The following CACNA2D2 variants were observed in gnomAD, a reference collection of about 807,000 sequenced individuals.
CACNA2D2 encodes the protein voltage-dependent calcium channel subunit alpha-2/delta-2.
Under a neutral mutation model 166.4 loss-of-function variants are expected in CACNA2D2, and 48 were observed. The ratio of observed to expected loss-of-function variants is 0.29; its 90% CI spans 0.23 to 0.37. The LOEUF (loss-of-function observed/expected upper bound fraction) is 0.37, where lower values mean the gene tolerates loss of function less well. Among genes scored for constraint, CACNA2D2 ranks in the 10% least tolerant of loss-of-function variants. The probability of loss-of-function intolerance (pLI) is 1.00; values close to 1 mark genes in which losing one functional copy is unlikely to be tolerated. For synonymous variants in CACNA2D2, 561 were observed against 573.7 expected (o/e 0.98, Z 0.32); for missense variants, 1,122 against 1,433.0 (o/e 0.78, Z 3.50).
chr3:50,421,891 AG>A (rs1707583349), intron 3 of CACNA2D2, among the ~76,000 whole-genome samples: 1 of 152,018 alleles, frequency 6.6e-6, no homozygotes, highest in African/African-American at 2.4e-5. Context: ...GCACCCCACC[AG>A]TTCACTGGCT....
At chr3:50,370,149 G>T (rs1462422755) in intron 23 of CACNA2D2, among the ~76,000 whole-genome samples, 171 bp downstream of exon 23, 1 of 152,170 alleles carries the variant, frequency 6.6e-6, no homozygotes. Flanking sequence ...TGCCTGGTGC[G>T]GTACATGGCC....
At chr3:50,499,187 TG>T (rs1285887553) in intron 1 of CACNA2D2, among the ~76,000 whole-genome samples, 1 of 152,058 alleles carries the variant, frequency 6.6e-6, no homozygotes, top group East Asian at 1.9e-4. Context: ...AGAGCTGGGA[TG>T]GGAAGGCCTC....
chr3:50,397,995 C>G (rs1706245582), intron 3 of CACNA2D2, among the ~76,000 whole-genome samples: 1 of 152,202 alleles, frequency 6.6e-6, no homozygotes, highest in Admixed American at 6.5e-5. Context: ...CGTGCCCACC[C>G]TGCCCCACCC....
intron 1 of CACNA2D2, among the ~76,000 whole-genome samples, chr3:50,493,558 T>C (rs1354110997): frequency 6.6e-6 from 1 of 152,308 alleles, no homozygotes; most frequent in Middle Eastern, 3.4e-3. Context: ...AGGTGACCAC[T>C]TGGTCTTTGC....
chr3:50,449,398 G>C (rs898841054), intron 2 of CACNA2D2, among the ~76,000 whole-genome samples: 1 of 152,218 alleles, frequency 6.6e-6, no homozygotes, highest in Non-Finnish European at 1.5e-5. Flanking sequence ...GGTGATGCAT[G>C]AGCAGTCGCC....
intron 3 of CACNA2D2, among the ~76,000 whole-genome samples, chr3:50,405,522 T>C (rs1706666001): frequency 6.6e-6 from 1 of 152,130 alleles, no homozygotes; most frequent in African/African-American, 2.4e-5. Flanking sequence ...GGCCCCCTCA[T>C]TCCTCGGTGG....
At chr3:50,381,981 T>TACACACACACACACACAC (rs34662551) in intron 6 of CACNA2D2, among the ~76,000 whole-genome samples, 2 of 133,464 alleles carry the variant, frequency 1.5e-5, no homozygotes, top group South Asian at 2.6e-4. Context: ...GATCTATCCC[T>TACACACACACACACACAC]ACACACACAC....
Position 50,469,929 on chromosome 3 carries a change from C to G in CACNA2D2, c.288+6189G>C, listed in dbSNP as rs1575739019. On this transcript the variant is annotated intron_variant, in intron 2 of 37. Transcript: ENST00000424201. ...TGGGAACTGATCTTGGAAGTGCCCT[C>G]TAGTGACCTGTTGGCACAAGCTGGA... 3.3e-5 allele frequency among the ~76,000 whole-genome samples: 5 copies of G among 152,362 alleles called. No homozygotes were observed. The South Asian group carries it at 1.0e-3, about 32-fold the overall frequency.
rs1704407150 is a variant in CACNA2D2, at chr3:50,367,675, G to A, written c.2264C>T (p.Thr755Ile). 1 of 1,612,432 alleles carries A rather than the reference G, an allele frequency of 6.2e-7. No homozygotes were observed. Residue 755 changes from threonine (T) to isoleucine (I), a missense_variant, in exon 26 of 38, where the codon ACA becomes ATA. By Grantham distance (89) the Thr-to-Ile change is moderately conservative (BLOSUM62 -1). Coordinates refer to ENST00000424201, the MANE Select transcript of CACNA2D2 (RefSeq NM_006030.4). The surrounding 1 kb of genome is among the most constrained non-coding windows in gnomAD (Gnocchi z 6.5). ...TYSLLAVFAATDGGITRVFPN... is the reference protein window; with the variant it reads ...TYSLLAVFAAIDGGITRVFPN... ...GAAGACTCGGGTGATGCCACCGTCT[G>A]TGGCAGCGAACACGGCCAGTAGGCT...
intron 3 of CACNA2D2, among the ~76,000 whole-genome samples, chr3:50,428,737 A>AG (rs1466949120): frequency 6.6e-6 from 1 of 152,106 alleles, no homozygotes; most frequent in Non-Finnish European, 1.5e-5. Flanking sequence ...GAAGAAACTG[A>AG]GGGGGCAGGG....
At position 50,377,509 on chromosome 3, in the gene CACNA2D2, G is replaced by A. The variant is rs762114746; in HGVS notation, c.1584C>T (p.Asp528=). The change falls in exon 17 of 38, where the codon GAC becomes GAT. Residue 528 remains aspartate (D), a synonymous_variant. Transcript: ENST00000424201. ...GCCTCTTGATGTCATTCAGAGCCACGTCAATGCCCATCACGCCCAGGATCA... is the reference window on the plus strand; with the variant it reads ...GCCTCTTGATGTCATTCAGAGCCACATCAATGCCCATCACGCCCAGGATCA... ...NQLILGVMGI[D]VALNDIKRLT... 2.5e-5 allele frequency: 40 copies of A among 1,613,148 alleles called. No individual in the cohort carries two copies. The highest frequency in any genetic ancestry group is 2.4e-4 in the South Asian group (22 of 91,082).
chr3:50,389,154 C>T (rs746866826), intron 4 of CACNA2D2, among the ~76,000 whole-genome samples: 1 of 152,234 alleles, frequency 6.6e-6, no homozygotes, highest in Non-Finnish European at 1.5e-5. Flanking sequence ...CCCCGGTGGG[C>T]CTGGGGCGGG....
intron 3 of CACNA2D2, among the ~76,000 whole-genome samples, chr3:50,419,449 A>C (rs1707439967): frequency 6.6e-6 from 1 of 152,094 alleles, no homozygotes; most frequent in Non-Finnish European, 1.5e-5. Flanking sequence ...TCTACAAGGG[A>C]AACATTGGTG....
At chr3:50,399,196 C>T (rs1171753076) in intron 3 of CACNA2D2, among the ~76,000 whole-genome samples, 1 of 152,224 alleles carries the variant, frequency 6.6e-6, no homozygotes, top group East Asian at 1.9e-4. Flanking sequence ...TTCTCCTTGG[C>T]CTCCTCTCCT....
Position 50,365,225 on chromosome 3 carries a change from G to GC in CACNA2D2, c.3099-42dup. 1 of 528,636 alleles carries GC rather than the reference G, an allele frequency of 1.9e-6. No homozygotes were observed. The highest frequency in any genetic ancestry group is 2.5e-5 in the South Asian group (1 of 39,592). The allele number at this position is 528,636 out of a possible 1,614,324, so 32.7% of individuals were successfully genotyped here. A position where few individuals can be genotyped will look rare whatever the true frequency, so the allele number is the denominator to read the frequency against. On this transcript the variant is annotated intron_variant, in intron 35 of 37. Coordinates refer to ENST00000424201, the MANE Select transcript of CACNA2D2 (RefSeq NM_006030.4). The surrounding 1 kb of genome is among the most constrained non-coding windows in gnomAD (Gnocchi z 4.5). Reference sequence around the variant, plus strand: ...AAAGGCGGGGCGTTGAGTTTGCCCCGCCCTGACCCACCCCCATCCTGCGGC... The same window carrying GC: ...AAAGGCGGGGCGTTGAGTTTGCCCCGCCCCTGACCCACCCCCATCCTGCGGC...
chr3:50,467,032 C>T (rs549038162), intron 2 of CACNA2D2, among the ~76,000 whole-genome samples: 7 of 152,184 alleles, frequency 4.6e-5, no homozygotes, highest in African/African-American at 1.4e-4. Context: ...AGGAGTGTGG[C>T]AAGTGGACTT....
intron 1 of CACNA2D2, among the ~76,000 whole-genome samples, chr3:50,489,026 T>C (rs1206505893): frequency 1.3e-5 from 2 of 152,176 alleles, no homozygotes; most frequent in African/African-American, 2.4e-5. Flanking sequence ...ACACAGATAT[T>C]GTCACTAGAA....
At chr3:50,476,306 A>T (rs1325424578) in intron 1 of CACNA2D2, 107 bp from the exon 2 acceptor site, 7 of 793,910 alleles carry the variant, frequency 8.8e-6, no homozygotes, top group Non-Finnish European at 1.0e-5. Flanking sequence ...CTCACACCCC[A>T]ATTTTCACTA....
rs570554238 is a variant in CACNA2D2, at chr3:50,455,601, T to C, written c.288+20517A>G. Among the ~76,000 whole-genome samples the C allele has an allele frequency of 5.9e-5, 9 of 152,294 alleles. No individual in the cohort carries two copies. In the East Asian group the frequency reaches 1.5e-3, roughly 26 times the overall value. Reference sequence around the variant, plus strand: ...ACAAACATCGGGTGCATCAGATTACTGTTCTCTGCAGGCCAGGGCCACACG... The same window carrying C: ...ACAAACATCGGGTGCATCAGATTACCGTTCTCTGCAGGCCAGGGCCACACG... On this transcript the variant is annotated intron_variant, in intron 2 of 37. Coordinates refer to ENST00000424201, the MANE Select transcript of CACNA2D2 (RefSeq NM_006030.4).
Sources: allele counts gnomAD v4.1 joint callset (sites outside exome capture counted in the v4.1 genomes callset), GRCh38; gene constraint gnomAD v4.1.1; non-coding constraint Gnocchi (gnomAD v3.1); transcripts MANE v1.5; gene names NCBI Gene and HGNC (gene_info 2026-07-23, HGNC 2026-07-21).